Variants in WIPF1 observed in about 807,000 individuals in gnomAD.
WIPF1 encodes WAS/WASL interacting protein family member 1.
A neutral mutation model predicts 35.4 loss-of-function variants in WIPF1; 13 were observed. The observed-to-expected ratio is 0.37, with a 90% CI of 0.24 to 0.58. WIPF1 has a LOEUF of 0.58. Ranked by LOEUF, WIPF1 falls within the 20% of genes least tolerant of loss-of-function variation. The pLI is 0.74. For missense variants in WIPF1, 591 were observed against 667.0 expected (o/e 0.89, Z 1.25); for synonymous variants, 267 against 266.3 (o/e 1.00, Z -0.02).
intron 1 of WIPF1, among the ~76,000 whole-genome samples, chr2:174,649,081 C>T (rs190983516): frequency 7.4e-4 from 113 of 152,256 alleles, no homozygotes; most frequent in African/African-American, 2.5e-3. Flanking sequence ...TCATAGTGAA[C>T]GTGCCCCCAC....
At chr2:174,584,040 C>T (rs953910009) in intron 2 of WIPF1, among the ~76,000 whole-genome samples, 1 of 152,140 alleles carries the variant, frequency 6.6e-6, no homozygotes, top group Non-Finnish European at 1.5e-5. Context: ...GTTGCCCAGG[C>T]TGGTCTCGAA....
intron 1 of WIPF1, chr2:174,587,490 TAA>T (rs1685461933): frequency 6.6e-6 from 1 of 152,146 alleles, no homozygotes; most frequent in Admixed American, 6.5e-5. Context: ...CTGGAGAAGC[TAA>T]AAAAGACACT....
intron 3 of WIPF1, among the ~76,000 whole-genome samples, chr2:174,576,844 G>A (rs1331034199): frequency 5.9e-5 from 9 of 152,172 alleles, no homozygotes; most frequent in Non-Finnish European, 1.3e-4. Flanking sequence ...CTTAATTTAT[G>A]TATGTATGCA....
intron 1 of WIPF1, among the ~76,000 whole-genome samples, chr2:174,605,907 G>A (rs1427275894): frequency 1.3e-5 from 2 of 151,994 alleles, no homozygotes; most frequent in Non-Finnish European, 2.9e-5. Context: ...TGTTAAAGAG[G>A]TTTGCTTAAT....
At chr2:174,631,796 T>C (rs1687030681) in intron 1 of WIPF1, among the ~76,000 whole-genome samples, 1 of 152,226 alleles carries the variant, frequency 6.6e-6, no homozygotes, top group Non-Finnish European at 1.5e-5. Context: ...AAAGTTGCAC[T>C]TATCAGAGTT....
At chr2:174,614,221 G>C (rs1291720711) in intron 1 of WIPF1, among the ~76,000 whole-genome samples, 1 of 152,192 alleles carries the variant, frequency 6.6e-6, no homozygotes, top group Non-Finnish European at 1.5e-5. Context: ...TTGCTAATTA[G>C]TAGTTAAGTT....
chr2:174,608,213 GA>G (rs1224232734), intron 1 of WIPF1, among the ~76,000 whole-genome samples: 2 of 151,742 alleles, frequency 1.3e-5, no homozygotes, highest in Admixed American at 6.6e-5. Context: ...AAACTAGGGT[GA>G]AAAAAAAGAG....
At position 174,678,506 on chromosome 2, in the gene WIPF1, C is replaced by T. The variant is rs1018869583; in HGVS notation, c.-39+4268G>A. 4.6e-5 allele frequency among the ~76,000 whole-genome samples: 7 copies of T among 152,308 alleles called. No homozygotes were observed. The South Asian group carries it at 6.2e-4, about 14-fold the overall frequency. On this transcript the variant is annotated intron_variant, in intron 1 of 8. Transcript: ENST00000272746. ...CTCAAAAGTTTCTGATCCCTGGCCACGAGAAGAAGCAGTGGTACCCTCACC... is the reference window on the plus strand; with the variant it reads ...CTCAAAAGTTTCTGATCCCTGGCCATGAGAAGAAGCAGTGGTACCCTCACC...
At chr2:174,563,791 G>A (rs1184170472) in intron 7 of WIPF1, among the ~76,000 whole-genome samples, 1 of 152,210 alleles carries the variant, frequency 6.6e-6, no homozygotes, top group African/African-American at 2.4e-5. Flanking sequence ...CTGAGACTCA[G>A]TGGGCTGGAA....
intron 1 of WIPF1, among the ~76,000 whole-genome samples, chr2:174,628,288 C>T (rs984501534): frequency 1.3e-5 from 2 of 152,154 alleles, no homozygotes; most frequent in Non-Finnish European, 2.9e-5. Context: ...GATGGCTAAC[C>T]CTTCTGAGGA....
chr2:174,660,674 A>G (rs1438202428), intron 1 of WIPF1, among the ~76,000 whole-genome samples: 2 of 152,148 alleles, frequency 1.3e-5, no homozygotes, highest in African/African-American at 4.8e-5. Flanking sequence ...ATGGCAGTAC[A>G]GTGGTTGATG....
At chr2:174,595,445 A>G (rs1261383686) in intron 1 of WIPF1, among the ~76,000 whole-genome samples, 1 of 152,152 alleles carries the variant, frequency 6.6e-6, no homozygotes, top group Non-Finnish European at 1.5e-5. Context: ...TAAATTACTT[A>G]GCTTATGTAA....
intron 1 of WIPF1, among the ~76,000 whole-genome samples, chr2:174,587,278 T>C (rs905190413): frequency 1.3e-5 from 2 of 152,126 alleles, no homozygotes; most frequent in African/African-American, 4.8e-5. Flanking sequence ...TAGCCTCCCA[T>C]AGTGCTGGGA....
In WIPF1 at chr2:174,571,240, A is replaced by T. The variant is rs1159717065; in HGVS notation, c.1129+436T>A. 2.9e-6 allele frequency: 1 copy of T among 350,088 alleles called. No individual in the cohort carries two copies. The highest frequency in any genetic ancestry group is 2.1e-5 in the African/African-American group (1 of 46,992). The allele number at this position is 350,088 out of a possible 1,614,324, so 21.7% of individuals were successfully genotyped here. A position where few individuals can be genotyped will look rare whatever the true frequency, so the allele number is the denominator to read the frequency against. On this transcript the variant is annotated intron_variant, in intron 5 of 7. Coordinates refer to ENST00000679041, the MANE Select transcript of WIPF1 (RefSeq NM_001375834.1). This position sits in a 1 kb window ranked among gnomAD's most constrained non-coding sequence, Gnocchi z 4.6. ...GCCTGGCGAATGAAGAGAGAAGTACAGGAGAAGTTCATTAGCTCTTGAAGA... is the reference window on the plus strand; with the variant it reads ...GCCTGGCGAATGAAGAGAGAAGTACTGGAGAAGTTCATTAGCTCTTGAAGA...
At chr2:174,677,384 A>AT (rs1444006088) in intron 1 of WIPF1, among the ~76,000 whole-genome samples, 3 of 152,226 alleles carry the variant, frequency 2.0e-5, no homozygotes, top group Non-Finnish European at 4.4e-5. Context: ...ATACAAAAGG[A>AT]TTTTTTAAAA....
intron 2 of WIPF1, among the ~76,000 whole-genome samples, chr2:174,582,008 T>C (rs1461602818): frequency 6.6e-6 from 1 of 152,224 alleles, no homozygotes; most frequent in Non-Finnish European, 1.5e-5. Flanking sequence ...AATTTACACA[T>C]AGTGAAATCA....
Position 174,571,735 on chromosome 2 carries a change from A to G in WIPF1, c.1070T>C (p.Leu357Pro), listed in dbSNP as rs1337601273. The change falls in exon 5 of 8, where the codon CTT becomes CCT. Residue 357 changes from leucine to proline, a missense_variant. Transcript: ENST00000679041. This position sits in a 1 kb window ranked among gnomAD's most constrained non-coding sequence, Gnocchi z 4.6. ...PLPSPGRSGP[L>P]PPPPSERPPP... Reference sequence around the variant, plus strand: ...GGGTCTCTCACTGGGCGGGGGAGGAAGAGGACCTGAACGTCCTGGCGAAGG... The same window carrying G: ...GGGTCTCTCACTGGGCGGGGGAGGAGGAGGACCTGAACGTCCTGGCGAAGG... 4 of 1,613,966 alleles carry G rather than the reference A, an allele frequency of 2.5e-6. No individual in the cohort carries two copies. The African/African-American group carries it at 4.0e-5, about 16-fold the overall frequency.
At chr2:174,667,653 G>A (rs1687920577) in intron 1 of WIPF1, among the ~76,000 whole-genome samples, 1 of 152,320 alleles carries the variant, frequency 6.6e-6, no homozygotes. Context: ...AGCACCAGGA[G>A]GGGAAGCCTC....
At chr2:174,664,154 C>T (rs1283409119) in intron 1 of WIPF1, among the ~76,000 whole-genome samples, 1 of 152,184 alleles carries the variant, frequency 6.6e-6, no homozygotes, top group Non-Finnish European at 1.5e-5. Context: ...CACACACACA[C>T]CCCAAGTGCT....
Sources: gnomAD v4.1 joint callset for allele counts (sites outside exome capture counted in the v4.1 genomes callset) on GRCh38, gnomAD v4.1.1 for gene constraint, Gnocchi (gnomAD v3.1) non-coding constraint, MANE v1.5 for transcripts, NCBI Gene and HGNC (gene_info 2026-07-23, HGNC 2026-07-21) for gene names.